RAB31: variants seen among roughly 807,000 people sequenced by gnomAD.
RAB31 encodes RAB31, member RAS oncogene family, also known as ras-related protein Rab-31.
In RAB31, 21 loss-of-function variants were observed where a neutral mutation model predicts 25.6. That is an observed-to-expected ratio of 0.82 (90% CI 0.58 to 1.18). The LOEUF is 1.18. Ranked by LOEUF, RAB31 falls within the 50% of genes most tolerant of loss-of-function variation. The pLI is 0.00. For missense variants in RAB31, 196 were observed against 250.1 expected, an observed-to-expected ratio of 0.78 and a Z score of 1.46; for synonymous variants, 87 against 84.0, an observed-to-expected ratio of 1.04 and a Z score of -0.20.
chr18:9,766,504 C>T lies in RAB31; in HGVS notation c.40-8774C>T, dbSNP rs2068317153. 6.6e-6 allele frequency among the ~76,000 whole-genome samples: 1 copy of T among 152,174 alleles called. No homozygotes were observed. Among genetic ancestry groups the T allele is most frequent in the African/African-American group, 2.4e-5 (1 of 41,444 alleles). On this transcript the variant is annotated intron_variant, in intron 1 of 6. Transcript: ENST00000578921. This position sits in a 1 kb window ranked among gnomAD's most constrained non-coding sequence, Gnocchi z 4.3. The stretch of plus-strand genomic sequence containing the variant: ...TGGGACCTTTACTTCTTTTGGTCAC[C>T]TTTGGAGTCAGAACAGTCCAAACTG...
rs1599018835 is a variant in RAB31 at position 9,738,604 on chromosome 18, T to C, written c.39+30160T>C. Among the ~76,000 whole-genome samples, 3 of 152,216 alleles carry C rather than the reference T, an allele frequency of 2.0e-5. No individual in the cohort carries two copies. In the East Asian group the frequency reaches 5.8e-4, roughly 29 times the overall value. On this transcript the variant is annotated intron_variant, in intron 1 of 6. Transcript: ENST00000578921. ...GGAGGGCATGGAAGTCCCACACCCC[T>C]TCCCACATGCCTTGCCCTACAAGTC...
chr18:9,816,961 G>A (rs979545641), intron 5 of RAB31, among the ~76,000 whole-genome samples: 1 of 152,152 alleles, frequency 6.6e-6, no homozygotes, highest in African/African-American at 2.4e-5. Flanking sequence ...GAACTGTTCT[G>A]TTTCTTTAGG....
intron 2 of RAB31, chr18:9,787,306 C>A: frequency 4.9e-6 from 1 of 204,220 alleles, no homozygotes; most frequent in Admixed American, 4.6e-5. Flanking sequence ...ATGACTCACT[C>A]TATGCTGTAT....
In RAB31 at chr18:9,715,495, AT is replaced by A. The variant is rs542538167; in HGVS notation, c.39+7055del. Among the ~76,000 whole-genome samples the A allele has an allele frequency of 4.1e-3, 592 of 142,826 alleles. 6 individuals carry two copies. The highest frequency in any genetic ancestry group is 0.014 in the African/African-American group (539 of 38,610). The allele number at this position is 142,826 out of a possible 152,430, so 93.7% of individuals were successfully genotyped here. A position where few individuals can be genotyped will look rare whatever the true frequency, so the allele number is the denominator to read the frequency against. ...GTCCCCTAGATTCAGCAGGAGTAAC[AT>A]TTTGTCACTTGTCCTTTGTCTCTCT... On this transcript the variant is annotated intron_variant, in intron 1 of 6. Transcript: ENST00000578921.
At chr18:9,733,220 G>T (rs2068132332) in intron 1 of RAB31, among the ~76,000 whole-genome samples, 1 of 152,158 alleles carries the variant, frequency 6.6e-6, no homozygotes, top group Admixed American at 6.5e-5. Context: ...CTATAAGTTA[G>T]GAATAAATTG....
At chr18:9,836,195 G>C (rs116613974) in intron 5 of RAB31, among the ~76,000 whole-genome samples, 1 of 151,926 alleles carries the variant, frequency 6.6e-6, no homozygotes, top group African/African-American at 2.4e-5. Flanking sequence ...GCTGTGGCTC[G>C]GGGAGAGAGT....
Position 9,741,929 on chromosome 18 carries a change from G to T in RAB31, c.40-33349G>T, listed in dbSNP as rs1259692441. 2.6e-5 allele frequency among the ~76,000 whole-genome samples: 4 copies of T among 152,258 alleles called. No individual in the cohort carries two copies. In the East Asian group the frequency reaches 7.7e-4, roughly 29 times the overall value. ...GTCCCCAGGGACCCAGAGGGAGCCA[G>T]GAAATGTGAGTCAGTGGCTTCCCAA... On this transcript the variant is annotated intron_variant, in intron 1 of 6. Coordinates refer to ENST00000578921, the MANE Select transcript of RAB31 (RefSeq NM_006868.4).
At chr18:9,855,864 C>T (rs2068813461) in intron 6 of RAB31, among the ~76,000 whole-genome samples, 1 of 152,132 alleles carries the variant, frequency 6.6e-6, no homozygotes, top group African/African-American at 2.4e-5. Context: ...AGCATTTCTC[C>T]CCGCCATGCA....
chr18:9,859,406 C>A lies in RAB31; in HGVS notation c.*81C>A. On this transcript the variant is annotated 3_prime_UTR_variant, in exon 7 of 7. Coordinates refer to ENST00000578921, the MANE Select transcript of RAB31 (RefSeq NM_006868.4). ...TGCTGAAGGACCCTACGCTCGGTGG[C>A]CTGGCACCTCACTTTGAGAAGAGTG... is the stretch of plus-strand genomic sequence containing the variant. The A allele has an allele frequency of 3.3e-6, 4 of 1,230,106 alleles. No individual in the cohort carries two copies. Among genetic ancestry groups the A allele is most frequent in the Non-Finnish European group, 4.6e-6 (4 of 861,292 alleles). 76.2% of individuals were successfully genotyped at this position (1,230,106 alleles called of 1,614,324 possible). A position where few individuals can be genotyped will look rare whatever the true frequency, so the allele number is the denominator to read the frequency against.
In RAB31 at chr18:9,784,045, T is replaced by C. The variant is rs80207826; in HGVS notation, c.120-8109T>C. On this transcript the variant is annotated intron_variant, in intron 2 of 6. Transcript: ENST00000578921. ...TTATTTATGTATTTTTATACATTTA[T>C]ATATTTTTAGAGACAGAGCATTGCT... is the stretch of plus-strand genomic sequence containing the variant. Among the ~76,000 whole-genome samples the C allele has an allele frequency of 9.0e-3, 1,370 of 152,322 alleles. 61 individuals are homozygous for C. In the East Asian group the frequency reaches 0.12, roughly 13 times the overall value.
chr18:9,778,823 G>A (rs1464269145), intron 2 of RAB31, among the ~76,000 whole-genome samples: 1 of 152,108 alleles, frequency 6.6e-6, no homozygotes, highest in Non-Finnish European at 1.5e-5. Flanking sequence ...CCTGACCATT[G>A]ACCTGAAGCC....
At chr18:9,828,178 C>T (rs1477996969) in intron 5 of RAB31, among the ~76,000 whole-genome samples, 4 of 152,102 alleles carry the variant, frequency 2.6e-5, no homozygotes, top group Non-Finnish European at 5.9e-5. Context: ...ATCTACCCTG[C>T]GCCTGCCCTG....
intron 1 of RAB31, among the ~76,000 whole-genome samples, chr18:9,713,741 T>C (rs2068029485): frequency 6.6e-6 from 1 of 152,184 alleles, no homozygotes. Flanking sequence ...GCTTAAACAA[T>C]AGACATTTAA....
In RAB31 at chr18:9,775,024, A is replaced by G. The variant is rs2068364621; in HGVS notation, c.40-254A>G. ...TAGTGAACATGTTCATTTTTGGTTAAATATTGTATACATGTCAGACATGTT... is the reference window on the plus strand; with the variant it reads ...TAGTGAACATGTTCATTTTTGGTTAGATATTGTATACATGTCAGACATGTT... On this transcript the variant is annotated intron_variant, in intron 1 of 6. Transcript: ENST00000578921. 1.0e-5 allele frequency: 6 copies of G among 600,838 alleles called. No individual in the cohort carries two copies. The Admixed American group carries it at 1.2e-4, about 12-fold the overall frequency. 37.2% of individuals were successfully genotyped at this position (600,838 alleles called of 1,614,324 possible).
intron 1 of RAB31, among the ~76,000 whole-genome samples, chr18:9,773,495 T>C (rs766047159): frequency 2.6e-5 from 4 of 152,200 alleles, no homozygotes; most frequent in Non-Finnish European, 5.9e-5. Context: ...TCGGTGTTGA[T>C]AAAGCCTTGG....
rs554492789 is a variant in RAB31 at position 9,714,040 on chromosome 18, TA to T, written c.39+5597del. ...TGGAGGGACACAAATATTAATTCCA[TA>T]GTACCTTGTCAATAGTGTTCAGGCA... On this transcript the variant is annotated intron_variant, in intron 1 of 6. Coordinates refer to ENST00000578921, the MANE Select transcript of RAB31 (RefSeq NM_006868.4). Among the ~76,000 whole-genome samples, 18 of 152,334 alleles carry T rather than the reference TA, an allele frequency of 1.2e-4. No homozygotes were observed. In the East Asian group the frequency reaches 2.7e-3, roughly 23 times the overall value.
intron 1 of RAB31, among the ~76,000 whole-genome samples, chr18:9,762,563 G>A (rs1284583947): frequency 6.6e-6 from 1 of 152,142 alleles, no homozygotes; most frequent in African/African-American, 2.4e-5. Context: ...GTAAGAAACT[G>A]TGGTAATTAT....
At chr18:9,803,965 T>C (rs1270615702) in intron 3 of RAB31, among the ~76,000 whole-genome samples, 3 of 152,164 alleles carry the variant, frequency 2.0e-5, no homozygotes, top group Non-Finnish European at 4.4e-5. Context: ...AGGAAGGACA[T>C]GTTCATATAC....
chr18:9,778,293 G>T (rs1488693827), intron 2 of RAB31, among the ~76,000 whole-genome samples: 8 of 152,080 alleles, frequency 5.3e-5, no homozygotes. Flanking sequence ...GGAGGGTCGG[G>T]GATGGATTGC....
Sources: allele counts gnomAD v4.1 joint callset (sites outside exome capture counted in the v4.1 genomes callset), GRCh38; gene constraint gnomAD v4.1.1; non-coding constraint Gnocchi (gnomAD v3.1); transcripts MANE v1.5; gene names NCBI Gene and HGNC (gene_info 2026-07-23, HGNC 2026-07-21).